FOXP1: variants seen among roughly 807,000 people sequenced by gnomAD.
FOXP1 encodes the protein forkhead box protein P1.
FOXP1 carries 15 observed loss-of-function variants against 98.2 expected under a neutral mutation model. The observed-to-expected ratio is 0.15, with a 90% CI of 0.10 to 0.24. FOXP1 has a LOEUF of 0.24. FOXP1 is among the 10% of genes least tolerant of loss of function. The pLI is 1.00. For synonymous variants in FOXP1, 371 were observed against 314.5 expected (o/e 1.18, Z -1.90); for missense variants, 633 against 848.5 (o/e 0.75, Z 3.15).
intron 10 of FOXP1, among the ~76,000 whole-genome samples, chr3:71,042,348 C>T (rs1052249301): frequency 3.3e-5 from 5 of 152,028 alleles, no homozygotes; most frequent in African/African-American, 1.2e-4. Context: ...AGTATTTTCC[C>T]CCAAGAAGAG....
chr3:71,163,116 C>T (rs2061224177), intron 6 of FOXP1, among the ~76,000 whole-genome samples: 1 of 152,182 alleles, frequency 6.6e-6, no homozygotes, highest in Non-Finnish European at 1.5e-5. Context: ...GGATTGGTTT[C>T]AACCAAAACG....
intron 4 of FOXP1, among the ~76,000 whole-genome samples, chr3:71,324,603 C>T (rs527716317): frequency 6.1e-4 from 93 of 151,916 alleles, no homozygotes; most frequent in South Asian, 6.1e-3. Flanking sequence ...ACATCACACA[C>T]CGAGGCCTGT....
chr3:71,210,273 T>C (rs575455583), intron 5 of FOXP1, among the ~76,000 whole-genome samples: 29 of 152,342 alleles, frequency 1.9e-4, no homozygotes, highest in Admixed American at 4.6e-4. Context: ...CTAATCTTTG[T>C]TCTGCAAACC....
At chr3:71,016,169 A>C (rs2044447849) in intron 11 of FOXP1, among the ~76,000 whole-genome samples, 1 of 152,224 alleles carries the variant, frequency 6.6e-6, no homozygotes, top group Admixed American at 6.5e-5. Context: ...AAAATAATTT[A>C]GGAAGACAAA....
chr3:71,015,451 G>A (rs181282783), intron 12 of FOXP1, 98 bp downstream of exon 12: 14 of 756,756 alleles, frequency 1.8e-5, no homozygotes, highest in Admixed American at 1.8e-4. Context: ...AAGGGGTGAG[G>A]TGAAACTCTC....
At chr3:70,993,316 G>A (rs188829826) in intron 13 of FOXP1, among the ~76,000 whole-genome samples, 39 of 152,290 alleles carry the variant, frequency 2.6e-4, no homozygotes, top group South Asian at 1.5e-3. Context: ...ACAGAGCTCC[G>A]CAAGGCAGAG....
chr3:71,035,691 A>G (rs910878785), intron 11 of FOXP1, among the ~76,000 whole-genome samples: 1 of 152,222 alleles, frequency 6.6e-6, no homozygotes, highest in Non-Finnish European at 1.5e-5. Flanking sequence ...AAATGCTCTA[A>G]CGGGGAAGAA....
intron 3 of FOXP1, among the ~76,000 whole-genome samples, chr3:71,426,990 G>A (rs1382312539): frequency 6.6e-6 from 1 of 151,670 alleles, no homozygotes; most frequent in African/African-American, 2.4e-5. Context: ...GAACCTGGGA[G>A]GCAGAGGCTG....
chr3:71,234,478 C>G (rs1184195891), intron 5 of FOXP1, among the ~76,000 whole-genome samples: 1 of 152,228 alleles, frequency 6.6e-6, no homozygotes, highest in Non-Finnish European at 1.5e-5. Flanking sequence ...CGAGGATGCT[C>G]TTCAAATCCT....
intron 6 of FOXP1, among the ~76,000 whole-genome samples, chr3:71,120,175 G>C (rs2058659430): frequency 1.3e-5 from 2 of 152,192 alleles, no homozygotes; most frequent in African/African-American, 2.4e-5. Context: ...GCCTTTAACA[G>C]TTTCTTTGTA....
intron 3 of FOXP1, among the ~76,000 whole-genome samples, chr3:71,401,721 C>T (rs996711591): frequency 6.6e-6 from 1 of 152,096 alleles, no homozygotes; most frequent in Non-Finnish European, 1.5e-5. Context: ...TTGGTTGATA[C>T]CTTCCTTCGC....
At chr3:71,053,818 G>A in intron 7 of FOXP1, 45 bp from the exon 8 acceptor site, 1 of 1,612,262 alleles carries the variant, frequency 6.2e-7, no homozygotes, top group South Asian at 1.1e-5. Flanking sequence ...GAAATCAGAA[G>A]CACGCAGCCT....
intron 7 of FOXP1, among the ~76,000 whole-genome samples, chr3:71,066,882 A>G (rs2052584525): frequency 6.6e-6 from 1 of 152,224 alleles, no homozygotes; most frequent in Non-Finnish European, 1.5e-5. Context: ...AAAACAAACA[A>G]TAAACAAGCA....
intron 6 of FOXP1, among the ~76,000 whole-genome samples, chr3:71,129,335 G>A (rs193287500): frequency 5.3e-5 from 8 of 152,194 alleles, no homozygotes; most frequent in East Asian, 3.9e-4. Context: ...CCACCATAGC[G>A]ATAGCAATAC....
chr3:71,521,787 C>T (rs539100535), intron 2 of FOXP1, among the ~76,000 whole-genome samples: 78 of 152,212 alleles, frequency 5.1e-4, no homozygotes, highest in African/African-American at 1.7e-3. Flanking sequence ...AATGTTTCTC[C>T]CACAGCAACA....
chr3:71,095,478 A>G (rs995575450), intron 7 of FOXP1, among the ~76,000 whole-genome samples: 1 of 152,220 alleles, frequency 6.6e-6, no homozygotes, highest in Non-Finnish European at 1.5e-5. Context: ...TGTAAAACAG[A>G]TAAAGAGGTA....
rs148200174 is a variant in FOXP1, at chr3:71,463,304, C to T, written c.-168+30122G>A. On this transcript the variant is annotated intron_variant, in intron 3 of 20. Coordinates refer to ENST00000649528, the MANE Select transcript of FOXP1 (RefSeq NM_001349338.3). ...GCTTGAACCCGGGAGGCGGAGGTTG[C>T]AGTGAGCTGAGATCACACCACTGCT... 7.0e-3 allele frequency among the ~76,000 whole-genome samples: 962 copies of T among 136,704 alleles called. 13 individuals are homozygous for T. The highest frequency in any genetic ancestry group is 0.025 in the African/African-American group (922 of 36,184). 89.7% of individuals were successfully genotyped at this position (136,704 alleles called of 152,430 possible).
intron 5 of FOXP1, among the ~76,000 whole-genome samples, chr3:71,273,875 C>A (rs1276175128): frequency 1.3e-5 from 2 of 152,174 alleles, no homozygotes; most frequent in East Asian, 3.8e-4. Flanking sequence ...GAGGGCAGTG[C>A]AAAGGCCATT....
At position 71,188,999 on chromosome 3, in the gene FOXP1, G is replaced by A. The variant is rs530932741; in HGVS notation, c.180+9203C>T. On this transcript the variant is annotated intron_variant, in intron 6 of 20. Transcript: ENST00000649528. ...GAAGATCCTGCAAAATGTCCACATG[G>A]AAGGACTAAAGAGAAAAACAGAGCT... Among the ~76,000 whole-genome samples, 8 of 152,270 alleles carry A rather than the reference G, an allele frequency of 5.3e-5. No homozygotes were observed. The South Asian group carries it at 1.5e-3, about 28-fold the overall frequency.
Sources: allele counts gnomAD v4.1 joint callset (sites outside exome capture counted in the v4.1 genomes callset), GRCh38; gene constraint gnomAD v4.1.1; transcripts MANE v1.5; gene names NCBI Gene and HGNC (gene_info 2026-07-23, HGNC 2026-07-21).